FMR1: variants seen among roughly 807,000 people sequenced by gnomAD.
FMR1 encodes the protein fragile X messenger ribonucleoprotein 1.
Under a neutral mutation model 50.6 loss-of-function variants are expected in FMR1, and 13 were observed. The observed-to-expected ratio is 0.26, with a 90% CI of 0.17 to 0.41. FMR1 has a LOEUF of 0.41. Among genes scored for constraint, FMR1 ranks in the 10% least tolerant of loss-of-function variants. The pLI, the probability that FMR1 is intolerant of heterozygous loss-of-function variation, is 1.00. For synonymous variants in FMR1, 138 were observed against 164.1 expected (o/e 0.84, Z 1.22); for missense variants, 316 against 491.3 (o/e 0.64, Z 3.37).
At chrX:147,948,642 A>T in intron 16 of FMR1, 41 bp from the exon 17 acceptor site, 1 of 1,211,096 alleles carries the variant, frequency 8.3e-7, no homozygotes, top group Non-Finnish European at 1.1e-6. Context: ...AGATTACAGT[A>T]GGATATGGTC....
chrX:147,933,384 C>A, intron 9 of FMR1: 1 of 852,407 alleles, frequency 1.2e-6, no homozygotes, highest in South Asian at 3.2e-5. Context: ...TGATAGCATT[C>A]ATTTTAATTA....
Position 147,950,127 on chromosome X carries a change from C to A in FMR1, c.*1283C>A. 1 of 324,342 alleles carries A rather than the reference C, an allele frequency of 3.1e-6. No homozygotes were observed. Among genetic ancestry groups the A allele is most frequent in the Non-Finnish European group, 5.9e-6 (1 of 168,790 alleles). The allele number at this position is 324,342 out of a possible 1,213,427, so 26.7% of individuals were successfully genotyped here. On this transcript the variant is annotated 3_prime_UTR_variant, in exon 17 of 17. Transcript: ENST00000370475. ...TTATTGAGGAAAAATATGTGAAGGACCTTCACTCTAAGATGTTATATTTTT... is the reference window on the plus strand; with the variant it reads ...TTATTGAGGAAAAATATGTGAAGGAACTTCACTCTAAGATGTTATATTTTT...
rs1569545674 is a variant in FMR1, at chrX:147,930,157, A to T, written c.543A>T (p.Ala181=). 1 of 1,208,311 alleles carries T rather than the reference A, an allele frequency of 8.3e-7. No homozygotes were observed. The highest frequency in any genetic ancestry group is 3.0e-5 in the East Asian group (1 of 33,816). The change falls in exon 7 of 17, where the codon GCA becomes GCT. Residue 181 remains alanine (A), a synonymous_variant. Transcript: ENST00000370475. ...TCAATGAAGTCACCTCAAAGCGAGC[A>T]CATATGCTGATTGACATGCACTTTC... ...LSINEVTSKR[A]HMLIDMHFRS...
At chrX:147,920,380 G>A (rs1040422940) in intron 1 of FMR1, among the ~76,000 whole-genome samples, 9 of 111,515 alleles carry the variant, frequency 8.1e-5, no homozygotes, top group East Asian at 2.8e-4. Flanking sequence ...CTGCTGCCCC[G>A]TAGGCTTAGT....
Position 147,921,474 on chromosome X carries a change from TATAG to T in FMR1, c.52-444_52-441del, listed in dbSNP as rs781949021. ...ATTTGTGTGTGCGTATATATATATA[TATAG>T]ATAGATAGATAGATTTGAGGTTATA... On this transcript the variant is annotated intron_variant, in intron 1 of 16. Coordinates refer to ENST00000370475, the MANE Select transcript of FMR1 (RefSeq NM_002024.6). Among the ~76,000 whole-genome samples the T allele has an allele frequency of 5.9e-3, 643 of 109,784 alleles. 5 individuals carry two copies. The highest frequency in any genetic ancestry group is 0.027 in the Admixed American group (279 of 10,237).
intron 1 of FMR1, 47 bp downstream of exon 1, chrX:147,912,277 C>G (rs2042614828): frequency 9.0e-7 from 1 of 1,111,913 alleles, no homozygotes; most frequent in Admixed American, 2.6e-5. Context: ...CCTTCCCTCC[C>G]TTTTCTTCTT....
At chrX:147,912,648 C>CG (rs1463578043) in intron 1 of FMR1, 8 of 298,538 alleles carry the variant, frequency 2.7e-5, no homozygotes, top group Non-Finnish European at 4.1e-5. Flanking sequence ...TGTGGAGGAG[C>CG]GGGGGGCGCT....
At chrX:147,937,216 C>T (rs1297706550) in intron 10 of FMR1, among the ~76,000 whole-genome samples, 1 of 111,625 alleles carries the variant, frequency 9.0e-6, no homozygotes, top group Admixed American at 9.5e-5. Flanking sequence ...CAATAGTACT[C>T]TTAAGATACT....
At chrX:147,917,315 C>T (rs563216902) in intron 1 of FMR1, among the ~76,000 whole-genome samples, 2 of 111,816 alleles carry the variant, frequency 1.8e-5, no homozygotes, top group Admixed American at 1.9e-4. Context: ...TTCATCAGTC[C>T]TGGTAATAGA....
chrX:147,928,455 TAC>T lies in FMR1; in HGVS notation c.270+64_270+65del. 3.3e-6 allele frequency: 3 copies of T among 919,403 alleles called. No homozygotes were observed. The East Asian group carries it at 9.2e-5, about 28-fold the overall frequency. 75.8% of individuals were successfully genotyped at this position (919,403 alleles called of 1,213,427 possible). ...GTTTCCTTTTTTTAAACCCAGGTTGTACATTCCCGTGTGGATTTCTATTTTGA... is the reference window on the plus strand; with the variant it reads ...GTTTCCTTTTTTTAAACCCAGGTTGTATTCCCGTGTGGATTTCTATTTTGA... On this transcript the variant is annotated intron_variant, in intron 4 of 16. Transcript: ENST00000370475.
intron 7 of FMR1, among the ~76,000 whole-genome samples, chrX:147,930,565 A>T (rs1337189755): frequency 5.4e-5 from 6 of 111,728 alleles, no homozygotes; most frequent in Non-Finnish European, 1.1e-4. Flanking sequence ...AGAATATTTA[A>T]ATATCTAATC....
At chrX:147,929,152 G>A (rs1368321280) in intron 5 of FMR1, among the ~76,000 whole-genome samples, 2 of 111,506 alleles carry the variant, frequency 1.8e-5, no homozygotes, top group East Asian at 2.8e-4. Context: ...AACTATAAAC[G>A]ATTTCTCCGT....
chrX:147,943,516 G>C, intron 14 of FMR1, 190 bp downstream of exon 14: 1 of 445,787 alleles, frequency 2.2e-6, no homozygotes, highest in Admixed American at 3.7e-5. Context: ...TCACAGGGCC[G>C]GTGCAAGTTC....
intron 3 of FMR1, 161 bp from the exon 4 acceptor site, chrX:147,928,161 C>T (rs782439021): frequency 1.0e-4 from 46 of 454,751 alleles, no homozygotes; most frequent in East Asian, 3.6e-5. Flanking sequence ...CTGCCTACCT[C>T]GGGGTACATA....
chrX:147,930,073 T>A (rs2043539400), intron 6 of FMR1, 32 bp downstream of exon 6: 2 of 1,144,177 alleles, frequency 1.7e-6, no homozygotes, highest in Admixed American at 2.2e-5. Context: ...ATTTTTAGTT[T>A]AATTCATCTG....
intron 1 of FMR1, among the ~76,000 whole-genome samples, chrX:147,920,216 C>T (rs1331749547): frequency 1.8e-5 from 2 of 111,757 alleles, no homozygotes; most frequent in Non-Finnish European, 3.8e-5. Context: ...AAGGTTGAAA[C>T]GTATTCTTTT....
intron 2 of FMR1, among the ~76,000 whole-genome samples, chrX:147,922,214 A>G (rs111921256): frequency 1.8e-5 from 2 of 111,785 alleles, no homozygotes; most frequent in African/African-American, 6.5e-5. Flanking sequence ...TTACGTCTTA[A>G]TTCCCTTGAA....
intron 12 of FMR1, among the ~76,000 whole-genome samples, chrX:147,938,996 T>C (rs1285431646): frequency 8.9e-6 from 1 of 112,046 alleles, no homozygotes; most frequent in Non-Finnish European, 1.9e-5. Flanking sequence ...GAAAAGATAT[T>C]CGTAAATAAT....
In FMR1 at chrX:147,925,761, G is replaced by A. The variant is rs376206337; in HGVS notation, c.198+128G>A. ...TGAGAATTACAGCTGGAATGGACAC[G>A]TGCTTTTGACTAACTCATCTTATTA... On this transcript the variant is annotated intron_variant, in intron 3 of 16. Transcript: ENST00000370475. The A allele has an allele frequency of 3.9e-5, 20 of 516,159 alleles. No individual in the cohort carries two copies. In the East Asian group the frequency reaches 4.4e-4, roughly 11 times the overall value. The allele number at this position is 516,159 out of a possible 1,213,427, so 42.5% of individuals were successfully genotyped here. A position where few individuals can be genotyped will look rare whatever the true frequency, so the allele number is the denominator to read the frequency against.
Sources: gnomAD v4.1 joint callset for allele counts (sites outside exome capture counted in the v4.1 genomes callset) on GRCh38, gnomAD v4.1.1 for gene constraint, MANE v1.5 for transcripts, NCBI Gene and HGNC (gene_info 2026-07-23, HGNC 2026-07-21) for gene names.